The following CDHR3 variants were observed in gnomAD, a reference collection of about 807,000 sequenced individuals.
CDHR3 encodes the protein cadherin-related family member 3.
In CDHR3, 79 loss-of-function variants were observed where a neutral mutation model predicts 86.6. The ratio of observed to expected loss-of-function variants is 0.91; its 90% CI spans 0.76 to 1.10. CDHR3 has a LOEUF of 1.10. CDHR3 is among the 50% of genes least tolerant of loss of function. The pLI is 0.00. For missense variants in CDHR3, 1,081 were observed against 1,077.6 expected (o/e 1.00, Z -0.04); for synonymous variants, 421 against 402.4 (o/e 1.05, Z -0.55).
chr7:106,018,959 C>T (rs1383080013), intron 12 of CDHR3, among the ~76,000 whole-genome samples: 2 of 152,144 alleles, frequency 1.3e-5, no homozygotes, highest in African/African-American at 4.8e-5. Flanking sequence ...TCCCCTGCCA[C>T]ACCTCGAGTT....
In CDHR3 at chr7:105,988,546, T is replaced by G. The variant is rs191356352; in HGVS notation, c.513+4257T>G. Among the ~76,000 whole-genome samples, 3 of 152,326 alleles carry G rather than the reference T, an allele frequency of 2.0e-5. No individual in the cohort carries two copies. The East Asian group carries it at 5.8e-4, about 29-fold the overall frequency. On this transcript the variant is annotated intron_variant, in intron 4 of 18. Coordinates refer to ENST00000317716, the MANE Select transcript of CDHR3 (RefSeq NM_152750.5). Reference sequence around the variant, plus strand: ...GATGCATTTTGAAACCTCAACCCCTTTAAAATGACAAATCTTACAACTCTT... The same window carrying G: ...GATGCATTTTGAAACCTCAACCCCTGTAAAATGACAAATCTTACAACTCTT...
intron 8 of CDHR3, among the ~76,000 whole-genome samples, chr7:106,008,578 T>C (rs1489325483): frequency 6.6e-6 from 1 of 152,120 alleles, no homozygotes; most frequent in Non-Finnish European, 1.5e-5. Flanking sequence ...ATCTTAAGCA[T>C]GTAGTAGGTT....
rs1448827774 is a variant in CDHR3, at chr7:106,032,250, C to T, written c.2354-143C>T. ...TGGAGATTGTGGGGCTATTCACACACCTACTGTCTGTGTCAGTGATTCACA... is the reference window on the plus strand; with the variant it reads ...TGGAGATTGTGGGGCTATTCACACATCTACTGTCTGTGTCAGTGATTCACA... On this transcript the variant is annotated intron_variant, in intron 18 of 18. Coordinates refer to ENST00000317716, the MANE Select transcript of CDHR3 (RefSeq NM_152750.5). 7.5e-6 allele frequency: 6 copies of T among 802,380 alleles called. 1 individual carries two copies. Among genetic ancestry groups the T allele is most frequent in the Non-Finnish European group, 1.2e-5 (6 of 515,802 alleles). 49.7% of individuals were successfully genotyped at this position (802,380 alleles called of 1,614,324 possible).
At chr7:106,007,526 G>A (rs1195037152) in intron 8 of CDHR3, among the ~76,000 whole-genome samples, 2 of 152,146 alleles carry the variant, frequency 1.3e-5, no homozygotes, top group African/African-American at 4.8e-5. Context: ...TCTCTCTCAA[G>A]TTCAAAGTTC....
chr7:105,976,119 T>G (rs904377360), intron 2 of CDHR3, among the ~76,000 whole-genome samples: 2 of 152,186 alleles, frequency 1.3e-5, no homozygotes, highest in Non-Finnish European at 2.9e-5. Flanking sequence ...GTTCTGTGAC[T>G]GAACTGCCCT....
chr7:106,009,212 C>T (rs373284065), intron 8 of CDHR3, among the ~76,000 whole-genome samples: 1 of 152,260 alleles, frequency 6.6e-6, no homozygotes, highest in East Asian at 1.9e-4. Context: ...GCTCTTCTAG[C>T]GGGAGGAACT....
intron 17 of CDHR3, among the ~76,000 whole-genome samples, chr7:106,029,855 G>A (rs1838067187): frequency 1.3e-5 from 2 of 152,176 alleles, no homozygotes; most frequent in African/African-American, 2.4e-5. Flanking sequence ...TGTCTAAGGC[G>A]AGTACCCTTG....
At chr7:105,982,797 A>T (rs1252275543) in intron 3 of CDHR3, among the ~76,000 whole-genome samples, 1 of 152,060 alleles carries the variant, frequency 6.6e-6, no homozygotes, top group Non-Finnish European at 1.5e-5. Context: ...AGCCTGGGCA[A>T]CAGGGCAAAA....
At chr7:105,982,703 A>T (rs1829952926) in intron 3 of CDHR3, among the ~76,000 whole-genome samples, 1 of 151,276 alleles carries the variant, frequency 6.6e-6, no homozygotes, top group African/African-American at 2.4e-5. Flanking sequence ...TTCTTTAGGG[A>T]CAGGTGCAGT....
intron 9 of CDHR3, among the ~76,000 whole-genome samples, chr7:106,014,161 C>T (rs1206556102): frequency 6.6e-6 from 1 of 152,050 alleles, no homozygotes; most frequent in Non-Finnish European, 1.5e-5. Context: ...TTCTCAAGCT[C>T]CTGGTCTCAG....
intron 2 of CDHR3, among the ~76,000 whole-genome samples, chr7:105,977,192 C>T (rs1828959702): frequency 6.6e-6 from 1 of 152,014 alleles, no homozygotes; most frequent in African/African-American, 2.4e-5. Context: ...TAACAGAGAC[C>T]CAGCAAGTTT....
intron 3 of CDHR3, 99 bp from the exon 4 acceptor site, chr7:105,984,093 C>T (rs1315422207): frequency 3.4e-6 from 2 of 581,228 alleles, no homozygotes; most frequent in Non-Finnish European, 5.8e-6. Flanking sequence ...GATGCCAACA[C>T]CCTTGGTTCC....
At chr7:105,998,161 A>T (rs964429535) in intron 6 of CDHR3, among the ~76,000 whole-genome samples, 3 of 152,176 alleles carry the variant, frequency 2.0e-5, no homozygotes, top group African/African-American at 7.2e-5. Flanking sequence ...GAGGGCTTTC[A>T]TGGTTCCCTT....
rs1447318518 is a variant in CDHR3 at position 105,984,184 on chromosome 7, T to C, written c.416-8T>C. ...ATGTTTCTTATTCCACTTTGGACAC[T>C]GGTCTAGGTCTACACCTCTACATAG... On this transcript the variant is annotated splice_polypyrimidine_tract_variant and splice_region_variant and intron_variant, in intron 3 of 18. Transcript: ENST00000317716. 17 of 1,517,644 alleles carry C rather than the reference T, an allele frequency of 1.1e-5. No homozygotes were observed. Among genetic ancestry groups the C allele is most frequent in the Non-Finnish European group, 1.5e-5 (17 of 1,119,328 alleles). 94.0% of individuals were successfully genotyped at this position (1,517,644 alleles called of 1,614,324 possible).
At chr7:105,965,189 A>G (rs1585447488) in intron 1 of CDHR3, among the ~76,000 whole-genome samples, 1 of 152,184 alleles carries the variant, frequency 6.6e-6, no homozygotes, top group Non-Finnish European at 1.5e-5. Flanking sequence ...GAGTCTGAGA[A>G]CCTGGTCATT....
Position 106,036,145 on chromosome 7 carries a change from T to G in CDHR3, c.*3448T>G, listed in dbSNP as rs1309642893. 1 of 152,222 alleles carries G rather than the reference T, an allele frequency of 6.6e-6. No individual in the cohort carries two copies. Among genetic ancestry groups the G allele is most frequent in the African/African-American group, 2.4e-5 (1 of 41,460 alleles). 9.4% of individuals were successfully genotyped at this position (152,222 alleles called of 1,614,324 possible). On this transcript the variant is annotated 3_prime_UTR_variant, in exon 19 of 19. Transcript: ENST00000317716. ...ATTGTGACATTGGAGCTTTTTGTTGTGCTCATTAGAAAGCAGGGTCTGAAA... is the reference window on the plus strand; with the variant it reads ...ATTGTGACATTGGAGCTTTTTGTTGGGCTCATTAGAAAGCAGGGTCTGAAA...
chr7:105,993,315 T>C (rs1831648243), intron 4 of CDHR3, among the ~76,000 whole-genome samples: 1 of 152,264 alleles, frequency 6.6e-6, no homozygotes, highest in East Asian at 1.9e-4. Flanking sequence ...GAAGGAGCAA[T>C]TGGTCACATC....
At chr7:105,998,054 C>T (rs1832540263) in intron 6 of CDHR3, among the ~76,000 whole-genome samples, 1 of 152,018 alleles carries the variant, frequency 6.6e-6, no homozygotes. Context: ...AGGGTGGCTG[C>T]CCAGGCTTGG....
In CDHR3 at chr7:106,034,017, C is replaced by A. The variant is rs1838708912; in HGVS notation, c.*1320C>A. Among the ~76,000 whole-genome samples the A allele has an allele frequency of 6.6e-6, 1 of 152,168 alleles. No homozygotes were observed. The highest frequency in any genetic ancestry group is 1.5e-5 in the Non-Finnish European group (1 of 68,016). ...TAAAATTACTATTGAAGTGAAATCACTTTTTCCTCAAAGCTGAAACACCAT... is the reference window on the plus strand; with the variant it reads ...TAAAATTACTATTGAAGTGAAATCAATTTTTCCTCAAAGCTGAAACACCAT... On this transcript the variant is annotated 3_prime_UTR_variant, in exon 19 of 19. Coordinates refer to ENST00000317716, the MANE Select transcript of CDHR3 (RefSeq NM_152750.5).
Sources: gnomAD v4.1 joint callset for allele counts (sites outside exome capture counted in the v4.1 genomes callset) on GRCh38, gnomAD v4.1.1 for gene constraint, MANE v1.5 for transcripts, NCBI Gene and HGNC (gene_info 2026-07-23, HGNC 2026-07-21) for gene names.